Variants in PCDH9 observed in about 807,000 individuals in gnomAD.
The protein encoded by PCDH9 is protocadherin-9.
In PCDH9, 24 loss-of-function variants were observed where a neutral mutation model predicts 70.6. That is an observed-to-expected ratio of 0.34 (90% CI 0.25 to 0.48). The LOEUF (loss-of-function observed/expected upper bound fraction) is 0.48, where lower values mean the gene tolerates loss of function less well. PCDH9 is among the 20% of genes least tolerant of loss of function. PCDH9 has a pLI of 0.99. For missense variants in PCDH9, 1,281 were observed against 1,503.6 expected (o/e 0.85, Z 2.45); for synonymous variants, 562 against 558.5 (o/e 1.01, Z -0.09).
chr13:66,644,446 A>T (rs2077746438), intron 3 of PCDH9, among the ~76,000 whole-genome samples: 1 of 151,924 alleles, frequency 6.6e-6, no homozygotes, highest in Non-Finnish European at 1.5e-5. Flanking sequence ...AAATAGTCTT[A>T]AAAAAAGATT....
At chr13:66,405,939 T>C (rs1362620554) in intron 4 of PCDH9, among the ~76,000 whole-genome samples, 3 of 151,988 alleles carry the variant, frequency 2.0e-5, no homozygotes, top group African/African-American at 7.2e-5. Flanking sequence ...AAGGGACTGA[T>C]TGGGAATGGA....
chr13:67,023,651 A>T (rs953493601), intron 2 of PCDH9, among the ~76,000 whole-genome samples: 1 of 152,182 alleles, frequency 6.6e-6, no homozygotes, highest in Admixed American at 6.5e-5. Flanking sequence ...TGGAATCAAC[A>T]CGTATTCCTG....
rs531866440 is a variant in PCDH9, at chr13:66,822,126, T to TCA, written c.3138+81376_3138+81377dup. On this transcript the variant is annotated intron_variant, in intron 3 of 4. Coordinates refer to ENST00000377865, the MANE Select transcript of PCDH9 (RefSeq NM_203487.3). ...ACAACTATATAATAAGGTTGACCCA[T>TCA]CACACACGCGCACACACACACACAC... is the stretch of plus-strand genomic sequence containing the variant. Among the ~76,000 whole-genome samples the TCA allele has an allele frequency of 2.6e-4, 17 of 64,594 alleles. No homozygotes were observed. In the South Asian group the frequency reaches 5.2e-3, roughly 20 times the overall value. 42.4% of individuals were successfully genotyped at this position (64,594 alleles called of 152,430 possible).
chr13:66,356,649 T>C (rs1956388551), intron 4 of PCDH9, among the ~76,000 whole-genome samples: 1 of 152,110 alleles, frequency 6.6e-6, no homozygotes, highest in South Asian at 2.1e-4. Flanking sequence ...AAAACAAAGA[T>C]GATACAGTAG....
intron 2 of PCDH9, chr13:67,002,076 T>C (rs1301087100): frequency 6.6e-6 from 1 of 152,206 alleles, no homozygotes; most frequent in African/African-American, 2.4e-5. Flanking sequence ...AGTTAGATTC[T>C]CTTGTAGAAT....
At chr13:66,710,799 G>T (rs2078781981) in intron 3 of PCDH9, among the ~76,000 whole-genome samples, 2 of 151,818 alleles carry the variant, frequency 1.3e-5, no homozygotes, top group Non-Finnish European at 2.9e-5. Flanking sequence ...GTATTCATTG[G>T]CTCATGAGTC....
Position 66,589,611 on chromosome 13 carries a change from A to G in PCDH9, c.3340+41599T>C, listed in dbSNP as rs184540247. ...GGCATAACTTGAAAACCAGAGTTCC[A>G]TTGATTCCCTCAAGGCTCCTAAGTG... is the stretch of plus-strand genomic sequence containing the variant. On this transcript the variant is annotated intron_variant, in intron 4 of 4. Transcript: ENST00000377865. 9.3e-4 allele frequency among the ~76,000 whole-genome samples: 141 copies of G among 152,188 alleles called. 1 individual carries two copies. The highest frequency in any genetic ancestry group is 3.3e-3 in the African/African-American group (136 of 41,558).
chr13:66,637,211 G>C (rs1042525687), intron 3 of PCDH9, among the ~76,000 whole-genome samples: 8 of 151,974 alleles, frequency 5.3e-5, no homozygotes, highest in African/African-American at 1.9e-4. Flanking sequence ...AAAGTAAATG[G>C]GACCCAAAAA....
intron 2 of PCDH9, among the ~76,000 whole-genome samples, chr13:67,125,073 C>A (rs2086950079): frequency 6.6e-6 from 1 of 152,154 alleles, no homozygotes; most frequent in East Asian, 1.9e-4. Flanking sequence ...AAACTTCTGA[C>A]TGGGCAAGTC....
intron 3 of PCDH9, among the ~76,000 whole-genome samples, chr13:66,832,583 C>T (rs1385395091): frequency 6.6e-6 from 1 of 151,936 alleles, no homozygotes; most frequent in Admixed American, 6.6e-5. Flanking sequence ...AATGAGTAAT[C>T]GTTATCCATT....
At chr13:66,939,457 T>TGTGTGTGTGTGTGA (rs1491222230) in intron 2 of PCDH9, among the ~76,000 whole-genome samples, 5 of 149,992 alleles carry the variant, frequency 3.3e-5, no homozygotes, top group Non-Finnish European at 7.4e-5. Context: ...TGTGTGTGTG[T>TGTGTGTGTGTGTGA]GACGGAGTCT....
At chr13:66,911,357 C>T (rs1261833233) in intron 2 of PCDH9, among the ~76,000 whole-genome samples, 2 of 152,110 alleles carry the variant, frequency 1.3e-5, no homozygotes, top group Admixed American at 6.6e-5. Flanking sequence ...TAAATTCCTT[C>T]ATAAGTAATT....
At chr13:66,773,353 G>T (rs2079838567) in intron 3 of PCDH9, among the ~76,000 whole-genome samples, 1 of 152,186 alleles carries the variant, frequency 6.6e-6, no homozygotes, top group African/African-American at 2.4e-5. Context: ...AATTGGCCAG[G>T]CACGGTGGCT....
At chr13:66,526,399 G>A (rs1960217681) in intron 4 of PCDH9, among the ~76,000 whole-genome samples, 1 of 152,222 alleles carries the variant, frequency 6.6e-6, no homozygotes, top group South Asian at 2.1e-4. Context: ...CTCCCCTGAA[G>A]AGGAAAGTCT....
At position 66,320,400 on chromosome 13, in the gene PCDH9, G is replaced by C. The variant is rs967336042; in HGVS notation, c.3341-15372C>G. Among the ~76,000 whole-genome samples the C allele has an allele frequency of 1.5e-4, 23 of 151,976 alleles. 1 individual carries two copies. The highest frequency in any genetic ancestry group is 5.6e-4 in the African/African-American group (23 of 41,402). On this transcript the variant is annotated intron_variant, in intron 4 of 4. Transcript: ENST00000377865. ...TCGATACTGCTTAGGATGTCAGTCT[G>C]TTTCTCCCTAATAAAAGTGAACTGC...
intron 3 of PCDH9, among the ~76,000 whole-genome samples, chr13:66,808,567 A>G (rs979222707): frequency 1.3e-5 from 2 of 152,186 alleles, no homozygotes; most frequent in Admixed American, 1.3e-4. Context: ...AGGACGTGTA[A>G]ACCAGTTCTT....
intron 3 of PCDH9, among the ~76,000 whole-genome samples, chr13:66,835,891 GA>G (rs1290138586): frequency 6.6e-6 from 1 of 151,884 alleles, no homozygotes; most frequent in East Asian, 1.9e-4. Flanking sequence ...AAGCAAGCAT[GA>G]AAAAAACTTA....
chr13:66,489,536 T>A (rs1254729034), intron 4 of PCDH9, among the ~76,000 whole-genome samples: 1 of 152,150 alleles, frequency 6.6e-6, no homozygotes, highest in Admixed American at 6.5e-5. Flanking sequence ...TGTCTCAAAC[T>A]CCTAGGCTCA....
intron 4 of PCDH9, among the ~76,000 whole-genome samples, chr13:66,604,706 T>C (rs1414793184): frequency 6.6e-6 from 1 of 152,088 alleles, no homozygotes; most frequent in Non-Finnish European, 1.5e-5. Flanking sequence ...GAATGTAGTA[T>C]TAAAATATAT....
Sources: gnomAD v4.1 joint callset for allele counts (sites outside exome capture counted in the v4.1 genomes callset) on GRCh38, gnomAD v4.1.1 for gene constraint, MANE v1.5 for transcripts, NCBI Gene and HGNC (gene_info 2026-07-23, HGNC 2026-07-21) for gene names.